EPHA2: variants seen among roughly 807,000 people sequenced by gnomAD.
EPHA2 encodes the protein ephrin type-A receptor 2.
EPHA2 carries 54 observed loss-of-function variants against 104.9 expected under a neutral mutation model. The ratio of observed to expected loss-of-function variants is 0.51; its 90% CI spans 0.41 to 0.65. The LOEUF (loss-of-function observed/expected upper bound fraction) is 0.65. Ranked by LOEUF, EPHA2 falls within the 30% of genes least tolerant of loss-of-function variation. The pLI, the probability that EPHA2 is intolerant of heterozygous loss-of-function variation, is 0.00. For missense variants in EPHA2, 1,117 were observed against 1,369.5 expected, an observed-to-expected ratio of 0.82 and a Z score of 2.91; for synonymous variants, 560 against 559.1, an observed-to-expected ratio of 1.00 and a Z score of -0.02.
chr1:16,129,173 T>G (rs1381351046), intron 16 of EPHA2, among the ~76,000 whole-genome samples: 1 of 150,810 alleles, frequency 6.6e-6, no homozygotes, highest in Non-Finnish European at 1.5e-5. Flanking sequence ...CAGTAAACAG[T>G]AGCTACTGTT....
Position 16,136,666 on chromosome 1 carries a change from GAAGAA to G in EPHA2, c.1313-901_1313-897del, listed in dbSNP as rs2024693700. Among the ~76,000 whole-genome samples, 2 of 95,330 alleles carry G rather than the reference GAAGAA, an allele frequency of 2.1e-5. 1 individual carries two copies. The allele number at this position is 95,330 out of a possible 152,430, so 62.5% of individuals were successfully genotyped here. A position where few individuals can be genotyped will look rare whatever the true frequency, so the allele number is the denominator to read the frequency against. On this transcript the variant is annotated intron_variant, in intron 5 of 16. Transcript: ENST00000358432. ...GACAGAAGAAGAAAGAAGAAGAAAA[GAAGAA>G]AAGAAGAAGAAAGAAGAAGAGGAAG...
rs747103339 is a variant in EPHA2 at position 16,138,319 on chromosome 1, C to A, written c.935G>T (p.Gly312Val). Reference sequence around the variant, plus strand: ...TGGGTCCTGAGGTGCCCGGAAGAAGCCTTCCTCACACTCGCAGGAGGTGGC... The same window carrying A: ...TGGGTCCTGAGGTGCCCGGAAGAAGACTTCCTCACACTCGCAGGAGGTGGC... ...EGATSCECEE[G>V]FFRAPQDPAS... The change falls in exon 4 of 17, where the codon GGC (glycine) becomes GTC (valine). Residue 312 changes from glycine to valine, a missense_variant. By Grantham distance (109) the Gly-to-Val change is moderately radical (BLOSUM62 -3). Coordinates refer to ENST00000358432, the MANE Select transcript of EPHA2 (RefSeq NM_004431.5). 1.2e-6 allele frequency: 2 copies of A among 1,613,728 alleles called. No individual in the cohort carries two copies. The highest frequency in any genetic ancestry group is 1.7e-6 in the Non-Finnish European group (2 of 1,179,930).
Position 16,134,029 on chromosome 1 carries a change from G to A in EPHA2, c.1683-114C>T, listed in dbSNP as rs940278003. On this transcript the variant is annotated intron_variant, in intron 8 of 16. Coordinates refer to ENST00000358432, the MANE Select transcript of EPHA2 (RefSeq NM_004431.5). The surrounding 1 kb of genome is among the most constrained non-coding windows in gnomAD (Gnocchi z 4.5). Reference sequence around the variant, plus strand: ...GGAGGACCTGGGGTGCTCAGAATGCGGCCCAGTCCCCGCTTTTGCTGCCCA... The same window carrying A: ...GGAGGACCTGGGGTGCTCAGAATGCAGCCCAGTCCCCGCTTTTGCTGCCCA... 3.9e-5 allele frequency: 41 copies of A among 1,060,152 alleles called. No individual in the cohort carries two copies. Among genetic ancestry groups the A allele is most frequent in the South Asian group, 1.3e-4 (8 of 61,554 alleles). 65.7% of individuals were successfully genotyped at this position (1,060,152 alleles called of 1,614,324 possible). A position where few individuals can be genotyped will look rare whatever the true frequency, so the allele number is the denominator to read the frequency against.
intron 3 of EPHA2, among the ~76,000 whole-genome samples, chr1:16,146,734 C>T (rs758450252): frequency 6.6e-6 from 1 of 152,176 alleles, no homozygotes; most frequent in Non-Finnish European, 1.5e-5. Context: ...GTTTACAGAC[C>T]GTGTTAAGTA....
intron 5 of EPHA2, among the ~76,000 whole-genome samples, chr1:16,136,681 A>G (rs1227120868): frequency 1.1e-5 from 1 of 95,086 alleles, no homozygotes; most frequent in Non-Finnish European, 1.8e-5. Context: ...AAAGAAGAAG[A>G]AAGAAGAAGA....
At chr1:16,155,736 C>A in intron 1 of EPHA2, 112 bp downstream of exon 1, 1 of 886,882 alleles carries the variant, frequency 1.1e-6, no homozygotes, top group Non-Finnish European at 1.5e-6. Flanking sequence ...CTCCAGTTCG[C>A]CGGGACTGGG....
Position 16,156,037 on chromosome 1 carries a change from C to A in EPHA2, c.-105G>T. On this transcript the variant is annotated 5_prime_UTR_variant, in exon 1 of 17. Coordinates refer to ENST00000358432, the MANE Select transcript of EPHA2 (RefSeq NM_004431.5). ...CCGCTCCCGCCCGCCGGCCTGCGCG[C>A]AACTTCTGCCCCTCCTGCCCCGAGT... 1 of 952,602 alleles carries A rather than the reference C, an allele frequency of 1.0e-6. No homozygotes were observed. Among genetic ancestry groups the A allele is most frequent in the Non-Finnish European group, 1.4e-6 (1 of 691,200 alleles). The allele number at this position is 952,602 out of a possible 1,614,324, so 59.0% of individuals were successfully genotyped here. A position where few individuals can be genotyped will look rare whatever the true frequency, so the allele number is the denominator to read the frequency against.
rs1166489620 is a variant in EPHA2 at position 16,149,379 on chromosome 1, C to T, written c.154-332G>A. 3.9e-5 allele frequency among the ~76,000 whole-genome samples: 6 copies of T among 152,224 alleles called. No homozygotes were observed. The South Asian group carries it at 1.0e-3, about 26-fold the overall frequency. On this transcript the variant is annotated intron_variant, in intron 2 of 16. Coordinates refer to ENST00000358432, the MANE Select transcript of EPHA2 (RefSeq NM_004431.5). ...GTACAATGGGAGCAAGACCCCCTAC[C>T]TCACAGAATTGCTGTGAGGATAAAG...
chr1:16,144,258 G>T (rs1217602309), intron 3 of EPHA2, among the ~76,000 whole-genome samples: 1 of 152,138 alleles, frequency 6.6e-6, no homozygotes, highest in Non-Finnish European at 1.5e-5. Flanking sequence ...GAGCCACCAT[G>T]GGGGGCTGGG....
rs2025015645 is a variant in EPHA2 at position 16,150,631 on chromosome 1, T to G, written c.153+265A>C. Among the ~76,000 whole-genome samples, 2 of 152,162 alleles carry G rather than the reference T, an allele frequency of 1.3e-5. No individual in the cohort carries two copies. Among genetic ancestry groups the G allele is most frequent in the East Asian group, 3.9e-4 (2 of 5,180 alleles). ...CCTTCTGGAACATGGAAGGCCCAGC[T>G]CCGCTAGGGCCTTCTCTGTCTCCCC... On this transcript the variant is annotated intron_variant, in intron 2 of 16. Coordinates refer to ENST00000358432, the MANE Select transcript of EPHA2 (RefSeq NM_004431.5). This position sits in a 1 kb window ranked among gnomAD's most constrained non-coding sequence, Gnocchi z 4.8.
rs1447161196 is a variant in EPHA2 at position 16,125,656 on chromosome 1, A to G, written c.2826-336T>C. Among the ~76,000 whole-genome samples the G allele has an allele frequency of 6.6e-6, 1 of 152,148 alleles. No individual in the cohort carries two copies. The highest frequency in any genetic ancestry group is 2.4e-5 in the African/African-American group (1 of 41,422). On this transcript the variant is annotated intron_variant, in intron 16 of 16. Transcript: ENST00000358432. This position sits in a 1 kb window ranked among gnomAD's most constrained non-coding sequence, Gnocchi z 4.9. ...GAGGCAGGTGCTCTTTTTCATCCCC[A>G]TTTTGCAGATTAGAGAACTGAGGTC...
intron 16 of EPHA2, among the ~76,000 whole-genome samples, chr1:16,127,235 G>T (rs1224177942): frequency 6.6e-6 from 1 of 152,130 alleles, no homozygotes; most frequent in Non-Finnish European, 1.5e-5. Flanking sequence ...TATGCCAAGG[G>T]CACTGGAGAC....
At chr1:16,136,764 GA>G (rs2024717348) in intron 5 of EPHA2, among the ~76,000 whole-genome samples, 1 of 147,326 alleles carries the variant, frequency 6.8e-6, no homozygotes, top group Non-Finnish European at 1.5e-5. Flanking sequence ...AGAAGAAGAA[GA>G]AGAAGAAGAA....
At position 16,128,801 on chromosome 1, in the gene EPHA2, G is replaced by T. The variant is rs1028736762; in HGVS notation, c.2825+633C>A. On this transcript the variant is annotated intron_variant, in intron 16 of 16. Coordinates refer to ENST00000358432, the MANE Select transcript of EPHA2 (RefSeq NM_004431.5). This position sits in a 1 kb window ranked among gnomAD's most constrained non-coding sequence, Gnocchi z 4.7. The stretch of plus-strand genomic sequence containing the variant: ...GTAAGTGGCACTTCTCACCAGGTGG[G>T]ACTGCAGGCTGAGAGCCAACCAAGT... Among the ~76,000 whole-genome samples the T allele has an allele frequency of 2.0e-5, 3 of 152,298 alleles. No homozygotes were observed. Among genetic ancestry groups the T allele is most frequent in the East Asian group, 3.9e-4 (2 of 5,160 alleles).
rs2025159246 is a variant in EPHA2, at chr1:16,155,933, G to A, written c.-1C>T. 1.3e-6 allele frequency: 2 copies of A among 1,489,986 alleles called. No individual in the cohort carries two copies. Among genetic ancestry groups the A allele is most frequent in the East Asian group, 2.9e-5 (1 of 34,972 alleles). The allele number at this position is 1,489,986 out of a possible 1,614,324, so 92.3% of individuals were successfully genotyped here. A position where few individuals can be genotyped will look rare whatever the true frequency, so the allele number is the denominator to read the frequency against. Reference sequence around the variant, plus strand: ...AGGCGCGGGCTGCCTGGAGCTCCATGCCGCGCTTCTCGCTCTCGGTCCGAT... The same window carrying A: ...AGGCGCGGGCTGCCTGGAGCTCCATACCGCGCTTCTCGCTCTCGGTCCGAT... On this transcript the variant is annotated 5_prime_UTR_variant, in exon 1 of 17. Coordinates refer to ENST00000358432, the MANE Select transcript of EPHA2 (RefSeq NM_004431.5).
chr1:16,140,204 C>G (rs536422518), intron 3 of EPHA2, among the ~76,000 whole-genome samples: 1 of 152,220 alleles, frequency 6.6e-6, no homozygotes, highest in Non-Finnish European at 1.5e-5. Flanking sequence ...CCCCTCCCAA[C>G]CCTGGCCCAG....
At position 16,128,964 on chromosome 1, in the gene EPHA2, C is replaced by T. The variant is rs2024520391; in HGVS notation, c.2825+470G>A. Among the ~76,000 whole-genome samples the T allele has an allele frequency of 6.6e-6, 1 of 151,922 alleles. No homozygotes were observed. Among genetic ancestry groups the T allele is most frequent in the East Asian group, 1.9e-4 (1 of 5,130 alleles). ...CTCAGCCTGTTTCTCTACCAATGACCTCTCCGATCCCTGCGCTCTGGGATC... is the reference window on the plus strand; with the variant it reads ...CTCAGCCTGTTTCTCTACCAATGACTTCTCCGATCCCTGCGCTCTGGGATC... On this transcript the variant is annotated intron_variant, in intron 16 of 16. Transcript: ENST00000358432. This position sits in a 1 kb window ranked among gnomAD's most constrained non-coding sequence, Gnocchi z 4.7.
Position 16,155,851 on chromosome 1 carries a change from C to G in EPHA2, c.82G>C (p.Glu28Gln). ...LAAAAAAQGK[E>Q]VVLLDFAAAG... is the part of the protein sequence containing the mutation. ...TCCAGACGCCGCGCGCACTCACCTT[C>G]CTTGCCCTGCGCCGCCGCGGCCGCG... The change falls in exon 1 of 17, where the codon GAA becomes CAA. Residue 28 changes from glutamate to glutamine, a missense_variant. Around this residue, in one of 3 missense-constraint regions of EPHA2, gnomAD observed 664 missense variants for 784.8 expected, o/e 0.85. Transcript: ENST00000358432. 1 of 1,452,332 alleles carries G rather than the reference C, an allele frequency of 6.9e-7. No homozygotes were observed. Among genetic ancestry groups the G allele is most frequent in the Non-Finnish European group, 9.0e-7 (1 of 1,107,914 alleles). The allele number at this position is 1,452,332 out of a possible 1,614,324, so 90.0% of individuals were successfully genotyped here.
In EPHA2 at chr1:16,134,463, C is replaced by T. The variant is rs371381023; in HGVS notation, c.1682+5G>A. ...TGTGGAGCCAGGGTATGGGCTCTGA[C>T]GAACCTGCGGTGGATAAAGAAGCCA... On this transcript the variant is annotated splice_donor_5th_base_variant and intron_variant, in intron 8 of 16. Transcript: ENST00000358432. This position sits in a 1 kb window ranked among gnomAD's most constrained non-coding sequence, Gnocchi z 4.5. 63 of 1,613,802 alleles carry T rather than the reference C, an allele frequency of 3.9e-5. No individual in the cohort carries two copies. Among genetic ancestry groups the T allele is most frequent in the African/African-American group, 1.7e-4 (13 of 74,874 alleles).
Sources: allele counts gnomAD v4.1 joint callset (sites outside exome capture counted in the v4.1 genomes callset), GRCh38; gene constraint gnomAD v4.1.1; regional missense constraint gnomAD v4.1.1; non-coding constraint Gnocchi (gnomAD v3.1); transcripts MANE v1.5; gene names NCBI Gene and HGNC (gene_info 2026-07-23, HGNC 2026-07-21).